The following HOXC4 variants were observed in gnomAD, a reference collection of about 807,000 sequenced individuals.
HOXC4 encodes the protein homeobox C4, also known as homeobox protein Hox-C4.
A neutral mutation model predicts 25.5 loss-of-function variants in HOXC4; 15 were observed. That is an observed-to-expected ratio of 0.59 (90% CI 0.39 to 0.91). The LOEUF (loss-of-function observed/expected upper bound fraction) is 0.91. HOXC4 is among the 40% of genes least tolerant of loss of function. The probability of loss-of-function intolerance (pLI) is 0.00; values close to 1 mark genes in which losing one functional copy is unlikely to be tolerated. For missense variants in HOXC4, 342 were observed against 352.4 expected (o/e 0.97, Z 0.24); for synonymous variants, 165 against 148.0 (o/e 1.11, Z -0.83).
chr12:54,027,998 A>AC (rs2136434686), intron 1 of HOXC4, among the ~76,000 whole-genome samples: 1 of 151,684 alleles, frequency 6.6e-6, no homozygotes, highest in East Asian at 1.9e-4. Context: ...ATTTCTAGGG[A>AC]CCCCCCTCCT....
chr12:54,039,068 G>A (rs945905351), intron 1 of HOXC4, among the ~76,000 whole-genome samples: 1 of 152,170 alleles, frequency 6.6e-6, no homozygotes, highest in Admixed American at 6.5e-5. Context: ...TGTGAATTCA[G>A]GCTCCTGTAC....
chr12:54,037,485 G>A (rs1238185463), intron 1 of HOXC4, among the ~76,000 whole-genome samples: 1 of 152,138 alleles, frequency 6.6e-6, no homozygotes, highest in African/African-American at 2.4e-5. Flanking sequence ...GGGAAGAGGG[G>A]GGACACGGCC....
intron 1 of HOXC4, among the ~76,000 whole-genome samples, chr12:54,022,749 TA>T (rs1940507663): frequency 6.6e-6 from 1 of 152,200 alleles, no homozygotes; most frequent in Admixed American, 6.5e-5. Flanking sequence ...CTGCCATGTA[TA>T]ACTGGTAGGA....
intron 1 of HOXC4, among the ~76,000 whole-genome samples, chr12:54,032,395 G>A (rs1221736562): frequency 6.6e-6 from 1 of 152,272 alleles, no homozygotes; most frequent in Admixed American, 6.5e-5. Flanking sequence ...TTCAGCAGTA[G>A]TGGAGCCTTA....
intron 1 of HOXC4, 36 bp downstream of exon 1, chr12:54,054,397 C>T (rs1405883696): frequency 7.0e-6 from 10 of 1,438,622 alleles, no homozygotes; most frequent in Non-Finnish European, 9.3e-6. Flanking sequence ...CCCCTCCCTC[C>T]CTTCTTCCCT....
chr12:54,038,190 G>A (rs1009646866), intron 1 of HOXC4, among the ~76,000 whole-genome samples: 4 of 152,146 alleles, frequency 2.6e-5, no homozygotes, highest in Non-Finnish European at 5.9e-5. Flanking sequence ...TAGGAAGATG[G>A]GGGAGCTTGT....
At chr12:54,032,527 GA>G (rs1941024574) in intron 1 of HOXC4, among the ~76,000 whole-genome samples, 1 of 152,244 alleles carries the variant, frequency 6.6e-6, no homozygotes, top group South Asian at 2.1e-4. Context: ...AGCCATTTTT[GA>G]AGATTGGAAG....
intron 1 of HOXC4, among the ~76,000 whole-genome samples, chr12:54,027,974 G>C (rs1473098017): frequency 6.6e-6 from 1 of 152,148 alleles, no homozygotes; most frequent in Non-Finnish European, 1.5e-5. Context: ...TGTCAAAACA[G>C]GATTTCCTGC....
rs574516435 is a variant in HOXC4, at chr12:54,025,529, G to C, written c.-124+8115G>C. 6.8e-3 allele frequency among the ~76,000 whole-genome samples: 249 copies of C among 36,888 alleles called. 2 individuals carry two copies. The highest frequency in any genetic ancestry group is 0.012 in the Middle Eastern group (1 of 82). The allele number at this position is 36,888 out of a possible 152,430, so 24.2% of individuals were successfully genotyped here. Reference sequence around the variant, plus strand: ...TTTCCTCAGGAATGAAAGGTAATTGGGGGGGGGGGAGGTGTTGAAAATTAA... The same window carrying C: ...TTTCCTCAGGAATGAAAGGTAATTGCGGGGGGGGGAGGTGTTGAAAATTAA... On this transcript the variant is annotated intron_variant, in intron 1 of 3. Coordinates refer to the HOXC4 transcript ENST00000303406.
chr12:54,046,091 C>T (rs1241777405), intron 1 of HOXC4, among the ~76,000 whole-genome samples: 2 of 152,116 alleles, frequency 1.3e-5, no homozygotes, highest in African/African-American at 2.4e-5. Flanking sequence ...GGGATCAAGT[C>T]CCCAACTGTT....
At chr12:54,046,353 C>T (rs1217123745) in intron 1 of HOXC4, among the ~76,000 whole-genome samples, 2 of 152,124 alleles carry the variant, frequency 1.3e-5, no homozygotes, top group Non-Finnish European at 2.9e-5. Flanking sequence ...CTCCAGAATC[C>T]TAATAGCCAG....
At chr12:54,038,298 T>C (rs1565748334) in intron 1 of HOXC4, among the ~76,000 whole-genome samples, 1 of 152,204 alleles carries the variant, frequency 6.6e-6, no homozygotes, top group Non-Finnish European at 1.5e-5. Flanking sequence ...TTGCCAGGTC[T>C]TCCTGACCCT....
upstream of HOXC4, among the ~76,000 whole-genome samples, chr12:54,049,957 AAACAAC>A (rs79010335): frequency 1.3e-5 from 2 of 151,776 alleles, no homozygotes; most frequent in Admixed American, 6.6e-5. Flanking sequence ...TTAATCCCTA[AAACAAC>A]AACAACAACA....
upstream of HOXC4, among the ~76,000 whole-genome samples, chr12:54,052,659 T>G (rs192298004): frequency 5.2e-3 from 787 of 151,602 alleles, 11 homozygotes; most frequent in Non-Finnish European, 4.6e-3. Context: ...AGAGTATTAC[T>G]GTGAGTGGGT....
chr12:54,021,235 T>C (rs910535051), intron 1 of HOXC4: 1 of 152,212 alleles, frequency 6.6e-6, no homozygotes, highest in Non-Finnish European at 1.5e-5. Flanking sequence ...TTTGCCTGCA[T>C]CCGTGGCGGC....
In HOXC4 at chr12:54,054,097, C is replaced by T. The variant is rs201031063; in HGVS notation, c.175C>T (p.Arg59Cys). 1.2e-6 allele frequency: 2 copies of T among 1,614,226 alleles called. No homozygotes were observed. Among genetic ancestry groups the T allele is most frequent in the African/African-American group, 1.3e-5 (1 of 75,054 alleles). ...GGAGCTGTACCCACCACCGCCTCCGCGCCCTAGCTACCCTGAGCGCCAGTA... is the reference window on the plus strand; with the variant it reads ...GGAGCTGTACCCACCACCGCCTCCGTGCCCTAGCTACCCTGAGCGCCAGTA... ...HQELYPPPPPRPSYPERQYSC... is the reference protein window; with the variant it reads ...HQELYPPPPPCPSYPERQYSC... Residue 59 changes from arginine (R) to cysteine (C), a missense_variant, in exon 1 of 2, where the codon CGC becomes TGC. Coordinates refer to ENST00000430889, the MANE Select transcript of HOXC4 (RefSeq NM_153633.3).
At chr12:54,034,859 C>G (rs149895718) in intron 1 of HOXC4, 1 of 290,236 alleles carries the variant, frequency 3.4e-6, no homozygotes, top group Non-Finnish European at 6.7e-6. Context: ...AAGGTGGGCC[C>G]GGCCCGCGCC....
chr12:54,049,670 G>A (rs532409498), upstream of HOXC4, among the ~76,000 whole-genome samples: 1 of 148,212 alleles, frequency 6.7e-6, no homozygotes, highest in South Asian at 2.1e-4. Flanking sequence ...AGAGATTTAA[G>A]AAAAAATCAA....
chr12:54,022,412 T>C (rs1056393580), intron 1 of HOXC4: 2 of 152,136 alleles, frequency 1.3e-5, no homozygotes, highest in African/African-American at 4.8e-5. Context: ...GTCAGATAGT[T>C]GGCTTTTGGC....
Sources: gnomAD v4.1 joint callset for allele counts (sites outside exome capture counted in the v4.1 genomes callset) on GRCh38, gnomAD v4.1.1 for gene constraint, MANE v1.5 for transcripts, NCBI Gene and HGNC (gene_info 2026-07-23, HGNC 2026-07-21) for gene names.